ANKS1B: variants seen among roughly 807,000 people sequenced by gnomAD.
ANKS1B encodes the protein ankyrin repeat and sterile alpha motif domain-containing protein 1B.
In ANKS1B, 36 loss-of-function variants were observed where a neutral mutation model predicts 148.3. That is an observed-to-expected ratio of 0.24 (90% confidence interval 0.19 to 0.32). The LOEUF (loss-of-function observed/expected upper bound fraction) is 0.32. ANKS1B is among the 10% of genes least tolerant of loss of function. The probability of loss-of-function intolerance (pLI) is 1.00; values close to 1 mark genes in which losing one functional copy is unlikely to be tolerated. For synonymous variants in ANKS1B, 542 were observed against 560.8 expected (o/e 0.97, Z 0.47); for missense variants, 1,157 against 1,542.6 (o/e 0.75, Z 4.19).
At chr12:99,742,449 T>C (rs2060208980) in intron 8 of ANKS1B, among the ~76,000 whole-genome samples, 1 of 152,056 alleles carries the variant, frequency 6.6e-6, no homozygotes, top group African/African-American at 2.4e-5. Flanking sequence ...TAACAAAGAC[T>C]GGTATGGAAG....
chr12:98,745,375 C>CTTATTTTTTTTTTTTT lies in ANKS1B; in HGVS notation c.*363_*364insAAAAAAAAAAAAATAA. 1 of 911,242 alleles carries CTTATTTTTTTTTTTTT rather than the reference C, an allele frequency of 1.1e-6. No individual in the cohort carries two copies. The highest frequency in any genetic ancestry group is 1.3e-6 in the Non-Finnish European group (1 of 791,616). The allele number at this position is 911,242 out of a possible 1,614,324, so 56.4% of individuals were successfully genotyped here. On this transcript the variant is annotated 3_prime_UTR_variant, in exon 27 of 27. Transcript: ENST00000683438. ...TAGGCAGTATTAGAGATCCCCTTTACTTTTTTTTTTTTTTTTTTTTTTTTA... is the reference window on the plus strand; with the variant it reads ...TAGGCAGTATTAGAGATCCCCTTTACTTATTTTTTTTTTTTTTTTTTTTTTTTTTTTTTTTTTTTTA...
At chr12:98,837,057 C>A (rs1211018123) in intron 17 of ANKS1B, among the ~76,000 whole-genome samples, 2 of 151,990 alleles carry the variant, frequency 1.3e-5, no homozygotes, top group African/African-American at 2.4e-5. Flanking sequence ...GTTGGCCAGG[C>A]GCAGTGGCTC....
intron 11 of ANKS1B, among the ~76,000 whole-genome samples, chr12:99,411,404 T>C (rs930340430): frequency 6.6e-6 from 1 of 152,238 alleles, no homozygotes; most frequent in Non-Finnish European, 1.5e-5. Flanking sequence ...TATGGCTGCA[T>C]AGTATTCCAC....
intron 20 of ANKS1B, among the ~76,000 whole-genome samples, chr12:98,805,137 A>G (rs1287099918): frequency 1.3e-5 from 2 of 152,172 alleles, no homozygotes; most frequent in African/African-American, 4.8e-5. Context: ...GATTCAAGGT[A>G]CTCCTAATAA....
rs138548928 is a variant in ANKS1B, at chr12:99,313,681, A to C, written c.1757-66817T>G. On this transcript the variant is annotated intron_variant, in intron 12 of 26. Coordinates refer to ENST00000683438, the MANE Select transcript of ANKS1B (RefSeq NM_001352186.2). ...ATGACAAAAACCACATGATTATCTC[A>C]GTAGGTGCAGAAAAGGCCTTTGATA... Among the ~76,000 whole-genome samples, 607 of 152,332 alleles carry C rather than the reference A, an allele frequency of 4.0e-3. 4 individuals carry two copies. The highest frequency in any genetic ancestry group is 0.014 in the African/African-American group (578 of 41,588).
chr12:98,852,627 T>C (rs1390631674), intron 17 of ANKS1B, among the ~76,000 whole-genome samples: 5 of 152,126 alleles, frequency 3.3e-5, no homozygotes, highest in Non-Finnish European at 7.3e-5. Flanking sequence ...CCACGGACTA[T>C]GAGTTTGATA....
intron 1 of ANKS1B, among the ~76,000 whole-genome samples, chr12:99,875,789 T>C (rs560599331): frequency 3.3e-5 from 5 of 152,138 alleles, no homozygotes; most frequent in African/African-American, 4.8e-5. Context: ...CGTGCAAAGC[T>C]CTCTAACAAG....
chr12:99,570,678 A>G (rs556553543), intron 9 of ANKS1B, among the ~76,000 whole-genome samples: 2 of 151,990 alleles, frequency 1.3e-5, no homozygotes, highest in African/African-American at 4.8e-5. Context: ...AAATGAAACA[A>G]GATTGGCAAA....
chr12:98,747,531 T>C (rs1464716395), intron 26 of ANKS1B, among the ~76,000 whole-genome samples: 2 of 152,204 alleles, frequency 1.3e-5, no homozygotes, highest in African/African-American at 2.4e-5. Context: ...AAAGGCACTA[T>C]GGAGAATAGC....
intron 4 of ANKS1B, among the ~76,000 whole-genome samples, chr12:99,804,060 C>CT (rs2067295217): frequency 6.6e-6 from 1 of 152,164 alleles, no homozygotes; most frequent in African/African-American, 2.4e-5. Context: ...AATTTAAACT[C>CT]TTTCCCTTCT....
At chr12:99,357,138 TTAA>T in intron 12 of ANKS1B, among the ~76,000 whole-genome samples, 1 of 152,180 alleles carries the variant, frequency 6.6e-6, no homozygotes. Context: ...ATAACACTTT[TTAA>T]TAATAAAATT....
At chr12:99,214,542 C>T (rs1044140331) in intron 14 of ANKS1B, among the ~76,000 whole-genome samples, 2 of 152,284 alleles carry the variant, frequency 1.3e-5, no homozygotes, top group South Asian at 4.1e-4. Context: ...GTAAGACATG[C>T]CTTTGCTTCT....
chr12:98,826,663 C>G (rs973027168), intron 19 of ANKS1B, among the ~76,000 whole-genome samples: 2 of 152,108 alleles, frequency 1.3e-5, no homozygotes, highest in African/African-American at 4.8e-5. Context: ...AGAAAGAAAG[C>G]CTGAAGGTGG....
chr12:99,033,983 A>G (rs1047531557), intron 17 of ANKS1B, among the ~76,000 whole-genome samples: 2 of 152,194 alleles, frequency 1.3e-5, no homozygotes, highest in Non-Finnish European at 2.9e-5. Context: ...GCTTCCAGCT[A>G]TTTGGGAAGA....
At chr12:99,591,647 C>G (rs962619844) in intron 9 of ANKS1B, among the ~76,000 whole-genome samples, 5 of 152,062 alleles carry the variant, frequency 3.3e-5, no homozygotes, top group African/African-American at 1.2e-4. Context: ...CTGGTTACTA[C>G]TAAGACCATA....
chr12:99,772,783 G>T, intron 8 of ANKS1B, 139 bp downstream of exon 8: 2 of 855,826 alleles, frequency 2.3e-6, no homozygotes, highest in African/African-American at 1.7e-5. Context: ...CCCAAAGAAC[G>T]TCAGGAAAAG....
At chr12:99,570,432 G>A (rs2097441203) in intron 9 of ANKS1B, among the ~76,000 whole-genome samples, 1 of 152,062 alleles carries the variant, frequency 6.6e-6, no homozygotes, top group African/African-American at 2.4e-5. Flanking sequence ...CAGATCACGA[G>A]GTCAGGAGAT....
At chr12:99,400,744 T>A (rs2094381739) in intron 11 of ANKS1B, among the ~76,000 whole-genome samples, 1 of 145,138 alleles carries the variant, frequency 6.9e-6, no homozygotes, top group Admixed American at 6.9e-5. Context: ...AGAGATCAAA[T>A]GTAAACTTTT....
Position 98,848,591 on chromosome 12 carries a change from C to T in ANKS1B, c.2779-16455G>A, listed in dbSNP as rs1049986651. Among the ~76,000 whole-genome samples, 102 of 149,974 alleles carry T rather than the reference C, an allele frequency of 6.8e-4. 1 individual carries two copies. Among genetic ancestry groups the T allele is most frequent in the African/African-American group, 2.2e-3 (90 of 40,720 alleles). ...TTTTTTTTTTTGATGCGGAGTCTCG[C>T]TCTGTCGCCCAGGCTGGAGTACAGT... On this transcript the variant is annotated intron_variant, in intron 17 of 26. Coordinates refer to ENST00000683438, the MANE Select transcript of ANKS1B (RefSeq NM_001352186.2).
Sources: gnomAD v4.1 joint callset for allele counts (sites outside exome capture counted in the v4.1 genomes callset) on GRCh38, gnomAD v4.1.1 for gene constraint, MANE v1.5 for transcripts, NCBI Gene and HGNC (gene_info 2026-07-23, HGNC 2026-07-21) for gene names.